The following PTPRM variants were observed in gnomAD, a reference collection of about 807,000 sequenced individuals.
PTPRM encodes receptor-type tyrosine-protein phosphatase mu.
Under a neutral mutation model 186.7 loss-of-function variants are expected in PTPRM, and 47 were observed. The observed-to-expected ratio is 0.25, with a 90% CI of 0.20 to 0.32. The LOEUF is 0.32. Among genes scored for constraint, PTPRM ranks in the 10% least tolerant of loss-of-function variants. The probability of loss-of-function intolerance (pLI) is 1.00; values close to 1 mark genes in which losing one functional copy is unlikely to be tolerated. For synonymous variants in PTPRM, 668 were observed against 674.9 expected (o/e 0.99, Z 0.16); for missense variants, 1,494 against 1,865.0 (o/e 0.80, Z 3.66).
intron 1 of PTPRM, among the ~76,000 whole-genome samples, chr18:7,756,905 T>C (rs957885129): frequency 3.3e-5 from 5 of 152,168 alleles, no homozygotes; most frequent in African/African-American, 1.2e-4. Context: ...GGCAGTGTAA[T>C]AGTCTCCTTC....
chr18:7,697,170 C>A (rs1285221547), intron 1 of PTPRM, among the ~76,000 whole-genome samples: 2 of 152,122 alleles, frequency 1.3e-5, no homozygotes, highest in Non-Finnish European at 2.9e-5. Flanking sequence ...TGAATAAAAT[C>A]CAGCAAAGGA....
chr18:8,301,343 A>G (rs890109189), intron 20 of PTPRM, among the ~76,000 whole-genome samples: 1 of 152,032 alleles, frequency 6.6e-6, no homozygotes, highest in Non-Finnish European at 1.5e-5. Context: ...CACCCTACCC[A>G]CCATTACCGC....
At chr18:7,771,412 C>T (rs1330738200) in intron 1 of PTPRM, among the ~76,000 whole-genome samples, 1 of 152,164 alleles carries the variant, frequency 6.6e-6, no homozygotes, top group Non-Finnish European at 1.5e-5. Context: ...TGTTTGCAGT[C>T]TTCTAACATT....
chr18:7,705,949 T>TTA (rs373714405), intron 1 of PTPRM, among the ~76,000 whole-genome samples: 5,218 of 146,718 alleles, frequency 0.036, 119 homozygotes, highest in Non-Finnish European at 0.052. Context: ...CTATAGTGAT[T>TTA]TATATATATA....
At chr18:7,602,905 A>AATTATTATTATT (rs71354561) in intron 1 of PTPRM, among the ~76,000 whole-genome samples, 4,263 of 141,660 alleles carry the variant, frequency 0.03, 103 homozygotes, top group South Asian at 0.061. Context: ...ATGTATTTGG[A>AATTATTATTATT]ATTATTATTA....
chr18:7,631,883 C>T (rs1430720500), intron 1 of PTPRM, among the ~76,000 whole-genome samples: 1 of 152,162 alleles, frequency 6.6e-6, no homozygotes, highest in Non-Finnish European at 1.5e-5. Context: ...GATAATAATG[C>T]ATAGTTATTA....
intron 17 of PTPRM, chr18:8,251,676 C>T (rs1287686040): frequency 6.6e-6 from 1 of 152,210 alleles, no homozygotes; most frequent in African/African-American, 2.4e-5. Context: ...TTGTGTACCA[C>T]CTTTCATACC....
At chr18:7,811,327 A>G (rs1174997079) in intron 2 of PTPRM, among the ~76,000 whole-genome samples, 1 of 152,150 alleles carries the variant, frequency 6.6e-6, no homozygotes, top group Non-Finnish European at 1.5e-5. Context: ...GGGGCTTTGC[A>G]TAGGCTTTGC....
At chr18:8,336,545 C>G (rs2095440101) in intron 22 of PTPRM, among the ~76,000 whole-genome samples, 1 of 142,706 alleles carries the variant, frequency 7.0e-6, no homozygotes, top group Non-Finnish European at 1.5e-5. Context: ...GAGCTAGACT[C>G]TGTCTCAAAA....
intron 14 of PTPRM, among the ~76,000 whole-genome samples, chr18:8,179,349 G>T (rs1307511286): frequency 3.9e-5 from 6 of 152,052 alleles, no homozygotes; most frequent in Non-Finnish European, 8.8e-5. Flanking sequence ...GCTCTAAATG[G>T]AAGGATTATT....
intron 14 of PTPRM, among the ~76,000 whole-genome samples, chr18:8,216,384 T>TA (rs2094086354): frequency 6.6e-6 from 1 of 152,216 alleles, no homozygotes; most frequent in Non-Finnish European, 1.5e-5. Flanking sequence ...CAATAACAAA[T>TA]AACTTGTTCA....
chr18:7,906,052 C>T (rs2049964549), intron 3 of PTPRM, among the ~76,000 whole-genome samples: 1 of 152,154 alleles, frequency 6.6e-6, no homozygotes, highest in African/African-American at 2.4e-5. Context: ...AAGCTCAACC[C>T]TGGCTTTGGG....
At chr18:8,065,392 G>A (rs2088983356) in intron 7 of PTPRM, among the ~76,000 whole-genome samples, 1 of 152,166 alleles carries the variant, frequency 6.6e-6, no homozygotes, top group Non-Finnish European at 1.5e-5. Flanking sequence ...GCTCAAGCTG[G>A]CAGAAAAAGA....
chr18:7,860,309 G>A (rs368406435), intron 2 of PTPRM, among the ~76,000 whole-genome samples: 437 of 152,286 alleles, frequency 2.9e-3, no homozygotes, highest in Middle Eastern at 6.8e-3. Flanking sequence ...CTGACCTCAA[G>A]TGATCTGCTG....
At chr18:7,933,680 G>T (rs1441793559) in intron 5 of PTPRM, among the ~76,000 whole-genome samples, 1 of 152,190 alleles carries the variant, frequency 6.6e-6, no homozygotes, top group African/African-American at 2.4e-5. Context: ...AAATCGTGTA[G>T]CTCCTTCAGG....
chr18:8,284,263 T>C (rs758866508), intron 19 of PTPRM, among the ~76,000 whole-genome samples: 1 of 152,228 alleles, frequency 6.6e-6, no homozygotes, highest in Non-Finnish European at 1.5e-5. Flanking sequence ...ACTTTTAGTT[T>C]AATCCCAAAC....
intron 8 of PTPRM, among the ~76,000 whole-genome samples, chr18:8,074,501 G>A (rs1232593357): frequency 6.6e-6 from 1 of 152,110 alleles, no homozygotes; most frequent in Non-Finnish European, 1.5e-5. Context: ...CAAAGTAGCG[G>A]CATGACTTTA....
intron 28 of PTPRM, among the ~76,000 whole-genome samples, chr18:8,379,920 A>G (rs1470555464): frequency 6.6e-6 from 1 of 152,260 alleles, no homozygotes; most frequent in East Asian, 1.9e-4. Context: ...ACTGTCACAC[A>G]TACAAATTGC....
At chr18:7,669,876 C>A (rs183389994) in intron 1 of PTPRM, among the ~76,000 whole-genome samples, 4 of 152,208 alleles carry the variant, frequency 2.6e-5, no homozygotes, top group Admixed American at 2.6e-4. Context: ...GCACCTGCCA[C>A]CAAGCCCGGC....
Sources: allele counts gnomAD v4.1 joint callset (sites outside exome capture counted in the v4.1 genomes callset), GRCh38; gene constraint gnomAD v4.1.1; transcripts MANE v1.5; gene names NCBI Gene and HGNC (gene_info 2026-07-23, HGNC 2026-07-21).